Variants in ABHD12 observed in about 807,000 individuals in gnomAD.
ABHD12 encodes lysophosphatidylserine lipase ABHD12.
A neutral mutation model predicts 58.3 loss-of-function variants in ABHD12; 43 were observed. The ratio of observed to expected loss-of-function variants is 0.74; its 90% confidence interval spans 0.58 to 0.95. ABHD12 has a LOEUF of 0.95. Ranked by LOEUF, ABHD12 falls within the 40% of genes least tolerant of loss-of-function variation. The pLI, the probability that ABHD12 is intolerant of heterozygous loss-of-function variation, is 0.00. For synonymous variants in ABHD12, 219 were observed against 211.2 expected (o/e 1.04, Z -0.32); for missense variants, 539 against 537.2 (o/e 1.00, Z -0.03).
chr20:25,352,476 G>C lies in ABHD12; in HGVS notation c.192-13125C>G, dbSNP rs796899856. On this transcript the variant is annotated intron_variant, in intron 1 of 12. Coordinates refer to ENST00000339157, the MANE Select transcript of ABHD12 (RefSeq NM_001042472.3). ...GCTAATTTTTGTATTTTTTAGTAGA[G>C]ACAGGGTTTCACCATGTTGGCCAGG... Among the ~76,000 whole-genome samples the C allele has an allele frequency of 9.9e-5, 15 of 152,068 alleles. No homozygotes were observed. In the South Asian group the frequency reaches 3.1e-3, roughly 32 times the overall value.
chr20:25,372,533 T>G (rs2089911755), intron 1 of ABHD12, among the ~76,000 whole-genome samples: 1 of 152,154 alleles, frequency 6.6e-6, no homozygotes, highest in Admixed American at 6.5e-5. Context: ...ATCTGAAAAC[T>G]TCACTATTTT....
downstream of ABHD12, chr20:25,297,677 C>T (rs2088570107): frequency 6.6e-6 from 1 of 152,296 alleles, no homozygotes; most frequent in South Asian, 2.1e-4. Flanking sequence ...GAACAGGCTA[C>T]TGTCCTTCCC....
intron 1 of ABHD12, among the ~76,000 whole-genome samples, chr20:25,381,692 G>A (rs371278989): frequency 4.6e-5 from 7 of 150,668 alleles, no homozygotes; most frequent in African/African-American, 1.7e-4. Context: ...AAGCTGGAGT[G>A]CAGTGGTGCA....
chr20:25,373,544 C>CT (rs1488641228), intron 1 of ABHD12, among the ~76,000 whole-genome samples: 1 of 150,356 alleles, frequency 6.7e-6, no homozygotes, highest in Non-Finnish European at 1.5e-5. Flanking sequence ...GAGACACCGT[C>CT]TCAAAAAAAA....
chr20:25,390,667 C>A lies in ABHD12; in HGVS notation c.37G>T (p.Glu13Ter). The change falls in exon 1 of 13, where the codon GAG becomes TAG. Residue 13 changes from glutamate (E) to a stop codon, truncating the protein, a stop_gained. Coordinates refer to ENST00000339157, the MANE Select transcript of ABHD12 (RefSeq NM_001042472.3). LOFTEE classifies it high-confidence loss of function. The part of the protein sequence containing the change: ...KRTEPVALEH[E>*]RCAAAGSSSS... ...GACGAGCCCGCGGCGGCGCAGCGCT[C>A]ATGCTCCAAGGCGACGGGCTCGGTC... The A allele has an allele frequency of 7.0e-7, 1 of 1,436,338 alleles. No homozygotes were observed. Among genetic ancestry groups the A allele is most frequent in the Non-Finnish European group, 9.1e-7 (1 of 1,097,948 alleles). The allele number at this position is 1,436,338 out of a possible 1,614,324, so 89.0% of individuals were successfully genotyped here.
chr20:25,380,957 T>C (rs2090015050), intron 1 of ABHD12, among the ~76,000 whole-genome samples: 1 of 152,224 alleles, frequency 6.6e-6, no homozygotes, highest in Admixed American at 6.5e-5. Flanking sequence ...ATCTGGCAAC[T>C]CCATTCTTCC....
At chr20:25,302,452 T>C (rs767189683) in intron 11 of ABHD12, 106 bp from the exon 12 acceptor site, 3 of 1,446,118 alleles carry the variant, frequency 2.1e-6, no homozygotes, top group South Asian at 2.3e-5. Flanking sequence ...CAGTCCAGAG[T>C]CCCACATACA....
intron 1 of ABHD12, among the ~76,000 whole-genome samples, chr20:25,388,304 T>C (rs2090121577): frequency 6.6e-6 from 1 of 152,216 alleles, no homozygotes; most frequent in Admixed American, 6.5e-5. Context: ...TATTTGTTCA[T>C]TCAACAAGTA....
intron 3 of ABHD12, among the ~76,000 whole-genome samples, chr20:25,321,146 T>C (rs1269115849): frequency 6.6e-6 from 1 of 152,252 alleles, no homozygotes. Context: ...GGATCACTTT[T>C]GGGATGGTTC....
chr20:25,328,181 C>T (rs2089208527), intron 2 of ABHD12, among the ~76,000 whole-genome samples: 1 of 152,042 alleles, frequency 6.6e-6, no homozygotes, highest in Admixed American at 6.5e-5. Flanking sequence ...AGGCTCCCGA[C>T]CAGAGGAATG....
chr20:25,296,750 A>C, downstream of ABHD12: 1 of 589,698 alleles, frequency 1.7e-6, no homozygotes. Context: ...TGACAGTACA[A>C]AGGGTCGTGG....
rs73907308 is a variant in ABHD12 at position 25,320,399 on chromosome 20, A to G, written c.423-81T>C. Reference sequence around the variant, plus strand: ...TGGCGACTGCACGTGGTGTTACTTAATCAGCTCAAGTCCAGACAGCAGGGA... The same window carrying G: ...TGGCGACTGCACGTGGTGTTACTTAGTCAGCTCAAGTCCAGACAGCAGGGA... On this transcript the variant is annotated intron_variant, in intron 3 of 12. Coordinates refer to ENST00000339157, the MANE Select transcript of ABHD12 (RefSeq NM_001042472.3). 5,070 of 1,590,634 alleles carry G rather than the reference A, an allele frequency of 3.2e-3. 82 individuals are homozygous for G. In the African/African-American group the frequency reaches 0.033, roughly 10 times the overall value.
At chr20:25,354,752 A>C (rs2089646120) in intron 1 of ABHD12, among the ~76,000 whole-genome samples, 1 of 152,188 alleles carries the variant, frequency 6.6e-6, no homozygotes, top group Admixed American at 6.5e-5. Flanking sequence ...ATAATTAGAA[A>C]AAAAAATTAC....
chr20:25,323,565 A>C, intron 2 of ABHD12, 135 bp from the exon 3 acceptor site: 1 of 706,638 alleles, frequency 1.4e-6, no homozygotes, highest in Middle Eastern at 2.8e-4. Context: ...ACCCACATGC[A>C]CACACTGCAG....
chr20:25,300,917 T>G (rs2088624471), intron 12 of ABHD12, 33 bp from the exon 13 acceptor site: 2 of 1,608,094 alleles, frequency 1.2e-6, no homozygotes, highest in African/African-American at 2.7e-5. Flanking sequence ...GCCAATCATT[T>G]GAGCTCAGAC....
At chr20:25,326,947 C>T (rs1032409601) in intron 2 of ABHD12, among the ~76,000 whole-genome samples, 1 of 152,214 alleles carries the variant, frequency 6.6e-6, no homozygotes, top group Non-Finnish European at 1.5e-5. Flanking sequence ...CCCTTAAATG[C>T]AGTGCTAAAA....
intron 2 of ABHD12, 100 bp downstream of exon 2, chr20:25,339,127 A>G (rs2089419871): frequency 6.5e-7 from 1 of 1,543,492 alleles, no homozygotes; most frequent in Non-Finnish European, 8.9e-7. Context: ...TATGTAAACT[A>G]AATCTCCATT....
At chr20:25,373,787 G>A (rs117045141) in intron 1 of ABHD12, among the ~76,000 whole-genome samples, 2,437 of 152,066 alleles carry the variant, frequency 0.016, 37 homozygotes, top group Non-Finnish European at 0.026. Flanking sequence ...TTAGCAGTGG[G>A]TTTACAGTTT....
intron 1 of ABHD12, among the ~76,000 whole-genome samples, chr20:25,365,436 C>T (rs560697139): frequency 2.0e-5 from 3 of 152,206 alleles, no homozygotes; most frequent in East Asian, 1.9e-4. Flanking sequence ...CAATGCTTAC[C>T]TATTTTACAG....
Sources: allele counts gnomAD v4.1 joint callset (sites outside exome capture counted in the v4.1 genomes callset), GRCh38; gene constraint gnomAD v4.1.1; transcripts MANE v1.5; gene names NCBI Gene and HGNC (gene_info 2026-07-23, HGNC 2026-07-21).